Variants in CREBBP observed in about 807,000 individuals in gnomAD.
CREBBP encodes CREB binding lysine acetyltransferase.
CREBBP carries 19 observed loss-of-function variants against 265.0 expected under a neutral mutation model. The observed-to-expected ratio is 0.07, with a 90% CI of 0.05 to 0.11. CREBBP has a LOEUF of 0.11. Among genes scored for constraint, CREBBP ranks in the 10% least tolerant of loss-of-function variants. The pLI is 1.00. For synonymous variants in CREBBP, 1,457 were observed against 1,223.7 expected (o/e 1.19, Z -3.98); for missense variants, 2,525 against 3,219.0 (o/e 0.78, Z 5.22).
At chr16:3,819,829 A>G (rs957277610) in intron 2 of CREBBP, among the ~76,000 whole-genome samples, 14 of 152,234 alleles carry the variant, frequency 9.2e-5, no homozygotes, top group African/African-American at 3.1e-4. Context: ...AATTTAAACC[A>G]AAACATAGAA....
chr16:3,778,375 G>A (rs1399352304), intron 9 of CREBBP, among the ~76,000 whole-genome samples, 193 bp from the exon 10 acceptor site: 3 of 152,086 alleles, frequency 2.0e-5, no homozygotes, highest in Non-Finnish European at 4.4e-5. Context: ...TCAAATAGTA[G>A]GTACTTAATA....
At chr16:3,824,522 C>A (rs2054202036) in intron 2 of CREBBP, among the ~76,000 whole-genome samples, 1 of 152,250 alleles carries the variant, frequency 6.6e-6, no homozygotes, top group African/African-American at 2.4e-5. Context: ...AAGGCAAGCA[C>A]TGTCTCAGAA....
At position 3,804,838 on chromosome 16, in the gene CREBBP, C is replaced by T. The variant is rs577342677; in HGVS notation, c.975+5765G>A. ...ATGAGTATCTTTGAGATGATTTATG[C>T]TTCCACCTAGGAGGTTTTGCTGAAG... On this transcript the variant is annotated intron_variant, in intron 3 of 30. Coordinates refer to ENST00000262367, the MANE Select transcript of CREBBP (RefSeq NM_004380.3). Among the ~76,000 whole-genome samples the T allele has an allele frequency of 1.3e-4, 20 of 152,316 alleles. 1 individual carries two copies. In the South Asian group the frequency reaches 4.1e-3, roughly 32 times the overall value.
intron 23 of CREBBP, chr16:3,742,683 G>A (rs1012622948): frequency 1.2e-4 from 19 of 152,032 alleles, no homozygotes; most frequent in African/African-American, 3.6e-4. Flanking sequence ...TGGTGTATGC[G>A]AAGGAGATGG....
At chr16:3,744,054 G>T (rs1333517309) in intron 23 of CREBBP, among the ~76,000 whole-genome samples, 1 of 152,068 alleles carries the variant, frequency 6.6e-6, no homozygotes, top group Admixed American at 6.6e-5. Flanking sequence ...CCAGCCTGGC[G>T]ACAGAGCGAG....
intron 1 of CREBBP, among the ~76,000 whole-genome samples, chr16:3,869,859 G>A (rs776038952): frequency 2.0e-4 from 31 of 152,110 alleles, no homozygotes; most frequent in Non-Finnish European, 3.1e-4. Context: ...GACTGAGAAA[G>A]CCATCAGTGA....
chr16:3,830,826 G>T (rs1392939612), intron 2 of CREBBP, among the ~76,000 whole-genome samples: 1 of 152,108 alleles, frequency 6.6e-6, no homozygotes, highest in Non-Finnish European at 1.5e-5. Flanking sequence ...TCCGTACCCA[G>T]GCTGAAGTGC....
intron 17 of CREBBP, among the ~76,000 whole-genome samples, 199 bp downstream of exon 17, chr16:3,758,655 G>C (rs1449811498): frequency 6.6e-6 from 1 of 152,116 alleles, no homozygotes; most frequent in South Asian, 2.1e-4. Flanking sequence ...CCTCCTCCAA[G>C]GACCAGGGCT....
intron 1 of CREBBP, among the ~76,000 whole-genome samples, chr16:3,878,990 C>T (rs946454124): frequency 6.6e-6 from 1 of 151,038 alleles, no homozygotes; most frequent in African/African-American, 2.4e-5. Context: ...TATTCAGTAT[C>T]CTGCTCCATT....
At chr16:3,855,297 T>C (rs1331147284) in intron 1 of CREBBP, among the ~76,000 whole-genome samples, 2 of 152,222 alleles carry the variant, frequency 1.3e-5, no homozygotes, top group African/African-American at 4.8e-5. Context: ...AGAGTCTTGC[T>C]CTGTTGCCCA....
intron 1 of CREBBP, among the ~76,000 whole-genome samples, chr16:3,869,668 T>A (rs1247260214): frequency 6.6e-6 from 1 of 152,236 alleles, no homozygotes; most frequent in Non-Finnish European, 1.5e-5. Flanking sequence ...CAGCCACACG[T>A]GGCTCGTGGT....
chr16:3,750,940 C>T (rs575398834), intron 20 of CREBBP, among the ~76,000 whole-genome samples: 1 of 152,130 alleles, frequency 6.6e-6, no homozygotes, highest in Non-Finnish European at 1.5e-5. Flanking sequence ...TCAGGTATAA[C>T]TGAAAATTTA....
At position 3,757,789 on chromosome 16, in the gene CREBBP, G is replaced by A. The variant is rs368410465; in HGVS notation, c.3609+20C>T. 5.8e-5 allele frequency: 93 copies of A among 1,613,420 alleles called. No homozygotes were observed. The highest frequency in any genetic ancestry group is 7.7e-5 in the Non-Finnish European group (91 of 1,180,010). The stretch of plus-strand genomic sequence containing the variant: ...GATTAACCAGGAAAATTCACTTTCC[G>A]GAAAAACTTAAAACTGTACCTTGCG... On this transcript the variant is annotated intron_variant, in intron 18 of 30. Transcript: ENST00000262367.
chr16:3,773,048 T>C (rs1169163722), intron 13 of CREBBP, among the ~76,000 whole-genome samples: 1 of 151,738 alleles, frequency 6.6e-6, no homozygotes, highest in Non-Finnish European at 1.5e-5. Context: ...ATTGTACCAC[T>C]GCACTCCAGT....
rs959042882 is a variant in CREBBP at position 3,786,602 on chromosome 16, C to T, written c.1331-3676G>A. 3.9e-5 allele frequency among the ~76,000 whole-genome samples: 6 copies of T among 152,234 alleles called. No individual in the cohort carries two copies. The East Asian group carries it at 5.8e-4, about 15-fold the overall frequency. On this transcript the variant is annotated intron_variant, in intron 5 of 30. Coordinates refer to ENST00000262367, the MANE Select transcript of CREBBP (RefSeq NM_004380.3). ...TGCTACAGCTGATGCTTCACCAGCA[C>T]GAGAGTGAGCCACGGGGTCACCCAA...
At chr16:3,864,192 TGA>T (rs1350985712) in intron 1 of CREBBP, among the ~76,000 whole-genome samples, 3 of 151,844 alleles carry the variant, frequency 2.0e-5, no homozygotes, top group Non-Finnish European at 4.4e-5. Context: ...CCAAATGCTG[TGA>T]GATGTAGCTG....
chr16:3,861,925 T>C (rs1433810639), intron 1 of CREBBP, among the ~76,000 whole-genome samples: 2 of 152,162 alleles, frequency 1.3e-5, no homozygotes, highest in African/African-American at 4.8e-5. Flanking sequence ...GAGTAAGTCT[T>C]GCCCCTCCTC....
chr16:3,730,774 A>G (rs2051892890), intron 30 of CREBBP, among the ~76,000 whole-genome samples: 2 of 152,172 alleles, frequency 1.3e-5, no homozygotes, highest in African/African-American at 2.4e-5. Context: ...GACTCGGCCC[A>G]TGCAAGGGAC....
intron 1 of CREBBP, among the ~76,000 whole-genome samples, chr16:3,874,892 A>C (rs1449045288): frequency 6.6e-6 from 1 of 152,242 alleles, no homozygotes; most frequent in East Asian, 1.9e-4. Flanking sequence ...CCCAAAAACT[A>C]AACTGACAAG....
Sources: allele counts gnomAD v4.1 joint callset (sites outside exome capture counted in the v4.1 genomes callset), GRCh38; gene constraint gnomAD v4.1.1; transcripts MANE v1.5; gene names NCBI Gene and HGNC (gene_info 2026-07-23, HGNC 2026-07-21).